Variants in ARHGAP44 observed in about 807,000 individuals in gnomAD.
ARHGAP44 encodes the protein Rho GTPase activating protein 44, also known as rho GTPase-activating protein 44.
Under a neutral mutation model 106.8 loss-of-function variants are expected in ARHGAP44, and 43 were observed. The observed-to-expected ratio is 0.40, with a 90% CI of 0.32 to 0.52. The LOEUF is 0.52. Ranked by LOEUF, ARHGAP44 falls within the 20% of genes least tolerant of loss-of-function variation. ARHGAP44 has a pLI of 0.48. For missense variants in ARHGAP44, 866 were observed against 1,050.5 expected, an observed-to-expected ratio of 0.82 and a Z score of 2.43; for synonymous variants, 439 against 410.3, an observed-to-expected ratio of 1.07 and a Z score of -0.85.
At chr17:12,937,113 G>A (rs2038571344) in intron 7 of ARHGAP44, among the ~76,000 whole-genome samples, 1 of 152,146 alleles carries the variant, frequency 6.6e-6, no homozygotes, top group African/African-American at 2.4e-5. Context: ...CTCTCATTTT[G>A]TTGTTGTTTT....
At chr17:12,905,068 AT>A (rs11410681) in intron 3 of ARHGAP44, among the ~76,000 whole-genome samples, 4,912 of 137,032 alleles carry the variant, frequency 0.036, 166 homozygotes, top group African/African-American at 0.096. Flanking sequence ...CACTTGGCTA[AT>A]TTTTTTTTTT....
At chr17:12,972,044 A>G (rs2039539766) in intron 16 of ARHGAP44, among the ~76,000 whole-genome samples, 1 of 152,208 alleles carries the variant, frequency 6.6e-6, no homozygotes, top group South Asian at 2.1e-4. Flanking sequence ...CTAGGTGAGC[A>G]GGATTTCATG....
At chr17:12,951,504 G>C (rs1250275859) in intron 12 of ARHGAP44, among the ~76,000 whole-genome samples, 1 of 152,140 alleles carries the variant, frequency 6.6e-6, no homozygotes, top group East Asian at 1.9e-4. Flanking sequence ...TTATTTATTG[G>C]ATATATAAGT....
intron 1 of ARHGAP44, among the ~76,000 whole-genome samples, chr17:12,830,366 T>C (rs954755592): frequency 6.6e-6 from 1 of 152,162 alleles, no homozygotes; most frequent in Non-Finnish European, 1.5e-5. Context: ...TTGACTACTC[T>C]TGGGGTCTGC....
At chr17:12,876,585 G>A (rs572245149) in intron 1 of ARHGAP44, among the ~76,000 whole-genome samples, 2 of 152,232 alleles carry the variant, frequency 1.3e-5, no homozygotes, top group African/African-American at 4.8e-5. Flanking sequence ...TAGTGTGAAG[G>A]ATGAATGGGA....
intron 17 of ARHGAP44, 178 bp from the exon 18 acceptor site, chr17:12,973,911 G>A (rs1713160168): frequency 1.4e-6 from 1 of 701,766 alleles, no homozygotes; most frequent in Non-Finnish European, 2.4e-6. Flanking sequence ...TGTCTTGGCC[G>A]CCGGGAGCAG....
intron 20 of ARHGAP44, among the ~76,000 whole-genome samples, chr17:12,989,256 C>T (rs760716137): frequency 2.0e-5 from 3 of 151,910 alleles, no homozygotes; most frequent in Non-Finnish European, 4.4e-5. Context: ...TCCCCCAGGG[C>T]GGCGGCTGCA....
At chr17:12,961,997 A>G (rs1360138739) in intron 16 of ARHGAP44, among the ~76,000 whole-genome samples, 1 of 152,120 alleles carries the variant, frequency 6.6e-6, no homozygotes, top group Non-Finnish European at 1.5e-5. Flanking sequence ...TATGAGATAC[A>G]TTTTAAAGTC....
chr17:12,930,799 A>C (rs2038376512), intron 7 of ARHGAP44, among the ~76,000 whole-genome samples: 1 of 152,222 alleles, frequency 6.6e-6, no homozygotes, highest in Non-Finnish European at 1.5e-5. Context: ...TAAAAAATAC[A>C]AAAATATATA....
chr17:12,818,136 C>T (rs907890729), intron 1 of ARHGAP44, among the ~76,000 whole-genome samples: 8 of 151,668 alleles, frequency 5.3e-5, no homozygotes, highest in South Asian at 2.1e-4. Context: ...AAATATAAAA[C>T]ATTATGACCA....
chr17:12,830,508 T>C (rs1422074664), intron 1 of ARHGAP44, among the ~76,000 whole-genome samples: 2 of 152,176 alleles, frequency 1.3e-5, no homozygotes, highest in Non-Finnish European at 1.5e-5. Flanking sequence ...TCATAGGAGA[T>C]ATTTCCTAAG....
At chr17:12,989,135 C>T (rs1490030276) in intron 20 of ARHGAP44, among the ~76,000 whole-genome samples, 2 of 121,548 alleles carry the variant, frequency 1.6e-5, no homozygotes. Context: ...ACTAAGCAGG[C>T]GGAGGAAGGG....
rs188032776 is a variant in ARHGAP44 at position 12,793,559 on chromosome 17, T to C, written c.53+3668T>C. Among the ~76,000 whole-genome samples, 288 of 152,212 alleles carry C rather than the reference T, an allele frequency of 1.9e-3. 1 individual carries two copies. The highest frequency in any genetic ancestry group is 3.2e-3 in the Non-Finnish European group (220 of 68,000). On this transcript the variant is annotated intron_variant, in intron 1 of 20. Transcript: ENST00000379672. The stretch of plus-strand genomic sequence containing the variant: ...CCCGTCTCTACTAAAAATACAAAAA[T>C]TAGCTGGGCATGGTGGCGGGCGCCT...
At chr17:12,849,654 C>G (rs115950408) in intron 1 of ARHGAP44, among the ~76,000 whole-genome samples, 1 of 133,248 alleles carries the variant, frequency 7.5e-6, no homozygotes, top group Non-Finnish European at 1.5e-5. Flanking sequence ...TGCTGTTGCT[C>G]AACAGTAGGA....
chr17:12,794,421 A>G (rs928655762), intron 1 of ARHGAP44, among the ~76,000 whole-genome samples: 60 of 152,106 alleles, frequency 3.9e-4, no homozygotes, highest in African/African-American at 1.3e-3. Flanking sequence ...GTCACTGAAC[A>G]CCCATTCAAG....
intron 3 of ARHGAP44, among the ~76,000 whole-genome samples, chr17:12,905,549 A>G (rs2037521553): frequency 6.6e-6 from 1 of 151,994 alleles, no homozygotes; most frequent in Non-Finnish European, 1.5e-5. Flanking sequence ...GTTGATCTTG[A>G]CCTTCGTTCA....
chr17:12,828,703 G>A (rs1471873782), intron 1 of ARHGAP44, among the ~76,000 whole-genome samples: 2 of 139,844 alleles, frequency 1.4e-5, no homozygotes, highest in African/African-American at 2.7e-5. Context: ...GTGCAGTGGC[G>A]CCATCTTGGC....
Position 12,958,963 on chromosome 17 carries a change from G to C in ARHGAP44, c.1523+66G>C, listed in dbSNP as rs554958225. ...GAGGTGGTGGGGGTGGATGGGTGAC[G>C]CATAAGAAAAATACAATTACGGGAA... On this transcript the variant is annotated intron_variant, in intron 16 of 20. Coordinates refer to ENST00000379672, the MANE Select transcript of ARHGAP44 (RefSeq NM_014859.6). The surrounding 1 kb of genome is among the most constrained non-coding windows in gnomAD (Gnocchi z 4.1). 5.2e-6 allele frequency: 8 copies of C among 1,527,090 alleles called. No homozygotes were observed. The highest frequency in any genetic ancestry group is 7.1e-6 in the Non-Finnish European group (8 of 1,125,552). The allele number at this position is 1,527,090 out of a possible 1,614,324, so 94.6% of individuals were successfully genotyped here. A position where few individuals can be genotyped will look rare whatever the true frequency, so the allele number is the denominator to read the frequency against.
chr17:12,872,450 T>G (rs1188365616), intron 1 of ARHGAP44, among the ~76,000 whole-genome samples: 1 of 24,720 alleles, frequency 4.0e-5, no homozygotes, highest in Non-Finnish European at 1.0e-4. Context: ...CTCAAGAAAC[T>G]TTCTCGAAAG....
Sources: allele counts gnomAD v4.1 joint callset (sites outside exome capture counted in the v4.1 genomes callset), GRCh38; gene constraint gnomAD v4.1.1; non-coding constraint Gnocchi (gnomAD v3.1); transcripts MANE v1.5; gene names NCBI Gene and HGNC (gene_info 2026-07-23, HGNC 2026-07-21).